B3GAT1: variants seen among roughly 807,000 people sequenced by gnomAD.
The protein encoded by B3GAT1 is galactosylgalactosylxylosylprotein 3-beta-glucuronosyltransferase 1.
B3GAT1 carries 11 observed loss-of-function variants against 28.4 expected under a neutral mutation model. That is an observed-to-expected ratio of 0.39 (90% CI 0.24 to 0.64). B3GAT1 has a LOEUF of 0.64. Among genes scored for constraint, B3GAT1 ranks in the 30% least tolerant of loss-of-function variants. The probability of loss-of-function intolerance (pLI) is 0.50; values close to 1 mark genes in which losing one functional copy is unlikely to be tolerated. For missense variants in B3GAT1, 375 were observed against 491.0 expected (o/e 0.76, Z 2.23); for synonymous variants, 255 against 223.1 (o/e 1.14, Z -1.27).
In B3GAT1 at chr11:134,383,963, G is replaced by A; in HGVS notation, c.338C>T (p.Pro113Leu). ...CTCCACCACCAGCCAGTGGAGGTTGGGCACGTGCAGCAGCGTGTTGGCCAT... is the reference window on the plus strand; with the variant it reads ...CTCCACCACCAGCCAGTGGAGGTTGAGCACGTGCAGCAGCGTGTTGGCCAT... Reference protein sequence around the residue: ...TRMANTLLHVPNLHWLVVEDA... With the variant: ...TRMANTLLHVLNLHWLVVEDA... Residue 113 changes from proline (P) to leucine (L), a missense_variant, in exon 3 of 6, where the codon CCC (proline) becomes CTC (leucine). Physicochemically the swap from Pro to Leu is moderately conservative, Grantham distance 98. Transcript: ENST00000312527. 6.2e-7 allele frequency: 1 copy of A among 1,600,324 alleles called. No homozygotes were observed. The highest frequency in any genetic ancestry group is 8.5e-7 in the Non-Finnish European group (1 of 1,177,840).
Position 134,387,804 on chromosome 11 carries a change from G to A in B3GAT1, c.-145C>T, listed in dbSNP as rs748133956. On this transcript the variant is annotated 5_prime_UTR_variant, in exon 2 of 6. Coordinates refer to ENST00000312527, the MANE Select transcript of B3GAT1 (RefSeq NM_054025.3). ...CAGGCATGGAGAGGACAGAGCAGCT[G>A]AATGTTGGCTAGCAGGTCTTACCAG... The A allele has an allele frequency of 6.5e-7, 1 of 1,536,954 alleles. No individual in the cohort carries two copies. The highest frequency in any genetic ancestry group is 8.7e-7 in the Non-Finnish European group (1 of 1,146,152).
At chr11:134,392,151 A>G (rs538277131) in intron 1 of B3GAT1, 315 of 152,366 alleles carry the variant, frequency 2.1e-3, no homozygotes, top group African/African-American at 7.3e-3. Flanking sequence ...GTGGGCACCT[A>G]GGGCCAGAGG....
intron 2 of B3GAT1, chr11:134,384,413 C>T (rs1032946421): frequency 2.4e-5 from 13 of 535,434 alleles, no homozygotes; most frequent in Admixed American, 3.5e-5. Context: ...TAACCTCTTC[C>T]TTCCCACCTT....
chr11:134,396,700 C>T (rs1052414789), intron 1 of B3GAT1, among the ~76,000 whole-genome samples: 1 of 152,198 alleles, frequency 6.6e-6, no homozygotes, highest in East Asian at 1.9e-4. Flanking sequence ...GCTGACCTTG[C>T]AGCCTGGAAG....
At chr11:134,398,083 C>T (rs1178407031) in intron 1 of B3GAT1, among the ~76,000 whole-genome samples, 1 of 152,184 alleles carries the variant, frequency 6.6e-6, no homozygotes, top group Non-Finnish European at 1.5e-5. Flanking sequence ...TCTGACAGGG[C>T]ATCGAGGCTG....
In B3GAT1 at chr11:134,404,008, TA is replaced by T. The variant is rs1565459305; in HGVS notation, c.-282+7798del. 9.2e-4 allele frequency among the ~76,000 whole-genome samples: 90 copies of T among 97,994 alleles called. 4 individuals are homozygous for T. The highest frequency in any genetic ancestry group is 2.9e-3 in the African/African-American group (80 of 27,766). The allele number at this position is 97,994 out of a possible 152,430, so 64.3% of individuals were successfully genotyped here. A position where few individuals can be genotyped will look rare whatever the true frequency, so the allele number is the denominator to read the frequency against. The stretch of plus-strand genomic sequence containing the variant: ...TTATATATATATATATATATATATA[TA>T]TATATATATATATATATATATTTAT... On this transcript the variant is annotated intron_variant, in intron 1 of 5. Coordinates refer to ENST00000312527, the MANE Select transcript of B3GAT1 (RefSeq NM_054025.3).
intron 1 of B3GAT1, among the ~76,000 whole-genome samples, chr11:134,410,215 T>C (rs1378997035): frequency 1.3e-5 from 2 of 152,238 alleles, no homozygotes; most frequent in Non-Finnish European, 2.9e-5. Context: ...CCCCTGCTTC[T>C]GGTGGAACAG....
At chr11:134,406,780 G>T (rs897742511) in intron 1 of B3GAT1, among the ~76,000 whole-genome samples, 14 of 152,132 alleles carry the variant, frequency 9.2e-5, no homozygotes. Context: ...GTTAAGCAAC[G>T]TCCTGAGGCC....
chr11:134,395,031 G>A (rs1207498736), intron 1 of B3GAT1, among the ~76,000 whole-genome samples: 3 of 152,182 alleles, frequency 2.0e-5, no homozygotes, highest in African/African-American at 7.2e-5. Context: ...AATCTCAACC[G>A]AATACACTGT....
At chr11:134,402,683 T>C (rs928583453) in intron 1 of B3GAT1, among the ~76,000 whole-genome samples, 1 of 151,860 alleles carries the variant, frequency 6.6e-6, no homozygotes, top group Non-Finnish European at 1.5e-5. Context: ...GAGGCTGAGG[T>C]GGGTGGATCA....
intron 1 of B3GAT1, among the ~76,000 whole-genome samples, chr11:134,406,167 C>T (rs61908692): frequency 0.02 from 2,980 of 152,312 alleles, 39 homozygotes; most frequent in Non-Finnish European, 0.032. Flanking sequence ...CCCACAGCAG[C>T]CTCTGGGCTC....
At chr11:134,401,959 G>A (rs1340190542) in intron 1 of B3GAT1, among the ~76,000 whole-genome samples, 1 of 128,922 alleles carries the variant, frequency 7.8e-6, no homozygotes, top group Admixed American at 7.8e-5. Context: ...ACAAAAGGGT[G>A]TGGCCTGGGG....
intron 1 of B3GAT1, among the ~76,000 whole-genome samples, chr11:134,403,330 T>C (rs1944657343): frequency 6.6e-6 from 1 of 152,148 alleles, no homozygotes; most frequent in Non-Finnish European, 1.5e-5. Context: ...TTCACACCGG[T>C]ACGTTTGCCT....
rs1183551778 is a variant in B3GAT1, at chr11:134,384,219, G to A, written c.113-31C>T. ...GAGTCGGGAGACCGGCGATGTGGGA[G>A]GAGAGCGCCGGCTACGGCCCTGGAT... On this transcript the variant is annotated intron_variant, in intron 2 of 5. Transcript: ENST00000312527. 2.0e-6 allele frequency: 3 copies of A among 1,516,656 alleles called. 1 individual carries two copies. The highest frequency in any genetic ancestry group is 2.7e-5 in the African/African-American group (2 of 73,084). 93.9% of individuals were successfully genotyped at this position (1,516,656 alleles called of 1,614,324 possible).
intron 3 of B3GAT1, 75 bp from the exon 4 acceptor site, chr11:134,383,081 C>T: frequency 4.9e-6 from 7 of 1,438,458 alleles, no homozygotes; most frequent in Non-Finnish European, 6.5e-6. Context: ...AGGGAGGCGA[C>T]ATCCTTCAGC....
chr11:134,388,223 C>G lies in B3GAT1; in HGVS notation c.-281-283G>C, dbSNP rs1321781742. ...CCAGGTTTAAATCCCAACTGTGCCA[C>G]CCACAGGCTGTAAGACCTTTGCCAA... On this transcript the variant is annotated intron_variant, in intron 1 of 5. Coordinates refer to ENST00000312527, the MANE Select transcript of B3GAT1 (RefSeq NM_054025.3). The G allele has an allele frequency of 7.1e-6, 2 of 282,796 alleles. 1 individual carries two copies. The highest frequency in any genetic ancestry group is 4.3e-5 in the African/African-American group (2 of 46,290). The allele number at this position is 282,796 out of a possible 1,614,324, so 17.5% of individuals were successfully genotyped here. A position where few individuals can be genotyped will look rare whatever the true frequency, so the allele number is the denominator to read the frequency against.
rs893952 is a variant in B3GAT1, at chr11:134,379,455, T to C, written c.*1307A>G. On this transcript the variant is annotated 3_prime_UTR_variant, in exon 6 of 6. Transcript: ENST00000312527. The stretch of plus-strand genomic sequence containing the variant: ...GCCAGGGGGTCAGAGCCCTTTCCAG[T>C]GGGCCCCAGAGGCCTGGGGAGGGCA... 110,256 of 152,410 alleles carry C rather than the reference T, an allele frequency of 0.72. 40,012 individuals are homozygous for C. Among genetic ancestry groups the C allele is most frequent in the East Asian group, 0.92 (4,753 of 5,148 alleles). 9.4% of individuals were successfully genotyped at this position (152,410 alleles called of 1,614,324 possible).
chr11:134,409,060 A>G (rs559963352), intron 1 of B3GAT1, among the ~76,000 whole-genome samples: 2 of 152,354 alleles, frequency 1.3e-5, no homozygotes, highest in South Asian at 4.1e-4. Flanking sequence ...GTGAGGGTGT[A>G]TAAAATAAAT....
chr11:134,381,716 G>C (rs1452954981), intron 5 of B3GAT1: 4 of 560,106 alleles, frequency 7.1e-6, no homozygotes, highest in African/African-American at 5.6e-5. Flanking sequence ...GTGGCAGAAG[G>C]ACCCAGCTGC....
Sources: gnomAD v4.1 joint callset for allele counts (sites outside exome capture counted in the v4.1 genomes callset) on GRCh38, gnomAD v4.1.1 for gene constraint, MANE v1.5 for transcripts, NCBI Gene and HGNC (gene_info 2026-07-23, HGNC 2026-07-21) for gene names.